MYT1L: variants seen among roughly 807,000 people sequenced by gnomAD.
The protein encoded by MYT1L is myelin transcription factor 1-like protein.
MYT1L carries 12 observed loss-of-function variants against 126.7 expected under a neutral mutation model. That is an observed-to-expected ratio of 0.09 (90% CI 0.06 to 0.15). The LOEUF (loss-of-function observed/expected upper bound fraction) is 0.15. Among genes scored for constraint, MYT1L ranks in the 10% least tolerant of loss-of-function variants. The pLI is 1.00. For missense variants in MYT1L, 979 were observed against 1,585.2 expected (o/e 0.62, Z 6.49); for synonymous variants, 541 against 604.2 (o/e 0.90, Z 1.53).
chr2:2,307,647 T>G (rs1170882876), intron 1 of MYT1L, among the ~76,000 whole-genome samples: 1 of 152,084 alleles, frequency 6.6e-6, no homozygotes, highest in Non-Finnish European at 1.5e-5. Context: ...GGACCTACAC[T>G]TCAGTACACT....
chr2:2,000,599 A>ATCCT (rs2062270546), intron 4 of MYT1L, among the ~76,000 whole-genome samples: 2 of 152,096 alleles, frequency 1.3e-5, no homozygotes, highest in African/African-American at 2.4e-5. Flanking sequence ...CTGCCCTCCC[A>ATCCT]ATACAGCCGA....
intron 4 of MYT1L, among the ~76,000 whole-genome samples, chr2:2,010,325 T>C (rs2063708799): frequency 6.6e-6 from 1 of 152,132 alleles, no homozygotes; most frequent in Non-Finnish European, 1.5e-5. Flanking sequence ...CCAAATGTTT[T>C]CCCCCTAGAC....
intron 21 of MYT1L, among the ~76,000 whole-genome samples, chr2:1,814,026 C>CA (rs1304502003): frequency 0.077 from 6,738 of 87,688 alleles, 427 homozygotes; most frequent in East Asian, 0.17. Context: ...GACTCCGTCC[C>CA]CAAAAAAAAA....
intron 4 of MYT1L, among the ~76,000 whole-genome samples, chr2:1,998,913 G>T (rs1310175610): frequency 6.6e-6 from 1 of 152,096 alleles, no homozygotes; most frequent in Non-Finnish European, 1.5e-5. Flanking sequence ...GAAAGAAAAA[G>T]AGAAAGAAAA....
rs968776869 is a variant in MYT1L at position 1,997,282 on chromosome 2, C to T, written c.-92G>A. On this transcript the variant is annotated 5_prime_UTR_variant, in exon 5 of 25. Transcript: ENST00000647738. The stretch of plus-strand genomic sequence containing the variant: ...TCAGGGGCTCGCTCTAAGCTCTACT[C>T]CTGGTCCTCTCCAGCTTGTGACTGT... 5 of 152,846 alleles carry T rather than the reference C, an allele frequency of 3.3e-5. No homozygotes were observed. The highest frequency in any genetic ancestry group is 1.2e-4 in the African/African-American group (5 of 41,448). 9.5% of individuals were successfully genotyped at this position (152,846 alleles called of 1,614,324 possible).
At chr2:1,983,012 AT>A (rs1434723606) in intron 5 of MYT1L, among the ~76,000 whole-genome samples, 5 of 152,132 alleles carry the variant, frequency 3.3e-5, no homozygotes, top group Non-Finnish European at 5.9e-5. Flanking sequence ...TCCTTTCAGT[AT>A]TTTTTATGCA....
intron 3 of MYT1L, among the ~76,000 whole-genome samples, chr2:2,056,821 A>T (rs1449528460): frequency 6.6e-6 from 1 of 152,216 alleles, no homozygotes; most frequent in Admixed American, 6.5e-5. Flanking sequence ...CTCTGTTCTC[A>T]GCCAAAGTTT....
intron 3 of MYT1L, among the ~76,000 whole-genome samples, chr2:2,168,189 A>G (rs924462619): frequency 1.3e-5 from 2 of 152,164 alleles, no homozygotes; most frequent in African/African-American, 4.8e-5. Flanking sequence ...TGGGCTCAAC[A>G]GGAGGAGGAA....
intron 4 of MYT1L, among the ~76,000 whole-genome samples, chr2:2,022,546 T>A (rs1283179522): frequency 6.6e-6 from 1 of 152,080 alleles, no homozygotes. Context: ...CCTACAGACC[T>A]TTTCCGGTCT....
intron 22 of MYT1L, among the ~76,000 whole-genome samples, chr2:1,805,152 G>A (rs1441321388): frequency 6.6e-6 from 1 of 152,164 alleles, no homozygotes; most frequent in African/African-American, 2.4e-5. Flanking sequence ...GATCCTTGTT[G>A]GGCAGAGACA....
At chr2:2,203,839 CA>C (rs2093191496) in intron 2 of MYT1L, among the ~76,000 whole-genome samples, 2 of 152,198 alleles carry the variant, frequency 1.3e-5, no homozygotes, top group Admixed American at 1.3e-4. Context: ...CTGGAGGCAT[CA>C]CACTACCTGA....
intron 3 of MYT1L, among the ~76,000 whole-genome samples, chr2:2,157,035 A>G (rs1343645066): frequency 6.6e-6 from 1 of 152,184 alleles, no homozygotes; most frequent in African/African-American, 2.4e-5. Context: ...ACCATGTTAC[A>G]ATGGGTTCGG....
At position 1,970,508 on chromosome 2, in the gene MYT1L, T is replaced by C. The variant is rs533989353; in HGVS notation, c.152+8657A>G. The stretch of plus-strand genomic sequence containing the variant: ...TGAGTAGTTGCAATGGACAGAGATC[T>C]CCACAGAGGAGCTCATGGTGTCCAT... On this transcript the variant is annotated intron_variant, in intron 8 of 24. Coordinates refer to ENST00000647738, the MANE Select transcript of MYT1L (RefSeq NM_001303052.2). Among the ~76,000 whole-genome samples, 33 of 152,258 alleles carry C rather than the reference T, an allele frequency of 2.2e-4. 1 individual carries two copies. The South Asian group carries it at 6.9e-3, about 32-fold the overall frequency.
At chr2:2,006,819 A>G (rs866873391) in intron 4 of MYT1L, among the ~76,000 whole-genome samples, 23 of 148,522 alleles carry the variant, frequency 1.5e-4, no homozygotes, top group Middle Eastern at 7.0e-3. Context: ...CAAATGATCC[A>G]CCCCCTTCAG....
intron 18 of MYT1L, among the ~76,000 whole-genome samples, chr2:1,863,813 A>G (rs969354073): frequency 1.1e-4 from 16 of 152,204 alleles, no homozygotes; most frequent in African/African-American, 2.9e-4. Context: ...TGACTCCTTT[A>G]AAATAGATGG....
At chr2:2,171,704 C>T (rs187369067) in intron 3 of MYT1L, among the ~76,000 whole-genome samples, 1 of 152,248 alleles carries the variant, frequency 6.6e-6, no homozygotes, top group East Asian at 1.9e-4. Context: ...CCAATGAGTG[C>T]AGTGAGTTTC....
chr2:1,837,178 T>A (rs1214141187), intron 21 of MYT1L, among the ~76,000 whole-genome samples: 1 of 150,990 alleles, frequency 6.6e-6, no homozygotes, highest in Non-Finnish European at 1.5e-5. Context: ...GGCTGGGGAG[T>A]GGGAGGGAAC....
chr2:2,043,949 CAG>C (rs1421524343), intron 4 of MYT1L, among the ~76,000 whole-genome samples: 1 of 151,892 alleles, frequency 6.6e-6, no homozygotes, highest in African/African-American at 2.4e-5. Flanking sequence ...TTTTGGCTGA[CAG>C]AGATGAATTC....
At chr2:2,112,905 T>G (rs1285444203) in intron 3 of MYT1L, among the ~76,000 whole-genome samples, 2 of 152,186 alleles carry the variant, frequency 1.3e-5, no homozygotes, top group Non-Finnish European at 2.9e-5. Flanking sequence ...CATCTGCAAA[T>G]GCCTGTAATG....
Sources: gnomAD v4.1 joint callset for allele counts (sites outside exome capture counted in the v4.1 genomes callset) on GRCh38, gnomAD v4.1.1 for gene constraint, MANE v1.5 for transcripts, NCBI Gene and HGNC (gene_info 2026-07-23, HGNC 2026-07-21) for gene names.